DENND2B: variants seen among roughly 807,000 people sequenced by gnomAD.
DENND2B encodes the protein DENN domain containing 2B, also known as DENN domain-containing protein 2B.
Under a neutral mutation model 116.0 loss-of-function variants are expected in DENND2B, and 32 were observed. The ratio of observed to expected loss-of-function variants is 0.28; its 90% CI spans 0.21 to 0.37. DENND2B has a LOEUF of 0.37. Among genes scored for constraint, DENND2B ranks in the 10% least tolerant of loss-of-function variants. DENND2B has a pLI of 1.00. For synonymous variants in DENND2B, 588 were observed against 583.9 expected (o/e 1.01, Z -0.10); for missense variants, 1,276 against 1,477.7 (o/e 0.86, Z 2.24).
Position 8,721,510 on chromosome 11 carries a change from CCG to C in DENND2B, c.1478-3620_1478-3619del, listed in dbSNP as rs546408652. On this transcript the variant is annotated intron_variant, in intron 4 of 19. Transcript: ENST00000313726. Reference sequence around the variant, plus strand: ...CTGCAGCTTCCCTCCCCAACAACCTCCGTCCGGTTCCAACCAGCTGTTTCTCC... The same window carrying C: ...CTGCAGCTTCCCTCCCCAACAACCTCTCCGGTTCCAACCAGCTGTTTCTCC... Among the ~76,000 whole-genome samples the C allele has an allele frequency of 0.013, 46 of 3,510 alleles. No individual in the cohort carries two copies. In the South Asian group the frequency reaches 0.5, roughly 38 times the overall value. 2.3% of individuals were successfully genotyped at this position (3,510 alleles called of 152,430 possible).
rs780120825 is a variant in DENND2B at position 8,730,961 on chromosome 11, T to C, written c.329A>G (p.Lys110Arg). 1 of 1,614,104 alleles carries C rather than the reference T, an allele frequency of 6.2e-7. No homozygotes were observed. Among genetic ancestry groups the C allele is most frequent in the Non-Finnish European group, 8.5e-7 (1 of 1,180,044 alleles). Reference sequence around the variant, plus strand: ...GACACTTTCCTTTTGGGCGTCTCTCTTGCACGCCGAAGGGCTTCTGTCCAA... The same window carrying C: ...GACACTTTCCTTTTGGGCGTCTCTCCTGCACGCCGAAGGGCTTCTGTCCAA... ...GYLDRSPSAC[K>R]RDAQKESVQG... is the part of the protein sequence containing the mutation. Residue 110 changes from lysine (K) to arginine (R), a missense_variant, in exon 3 of 20, where the codon AAG becomes AGG. Physicochemically the swap from Lys to Arg is conservative, Grantham distance 26 (BLOSUM62 2). Transcript: ENST00000313726. The surrounding 1 kb of genome is among the most constrained non-coding windows in gnomAD (Gnocchi z 4.1).
chr11:8,859,631 ATGGAT>A (rs2063328253), intron 2 of DENND2B, among the ~76,000 whole-genome samples: 1 of 152,150 alleles, frequency 6.6e-6, no homozygotes, highest in African/African-American at 2.4e-5. Flanking sequence ...ATACTCATTC[ATGGAT>A]TATATCATGT....
Position 8,833,263 on chromosome 11 carries a change from A to T in DENND2B, c.-115+6047T>A, listed in dbSNP as rs2062288535. ...TGACCCTGTAAGGCTCTGTTCTAGG[A>T]TAAGCACAGGAGAAGGAGCAGAACA... is the stretch of plus-strand genomic sequence containing the variant. On this transcript the variant is annotated intron_variant, in intron 4 of 6. Coordinates refer to the DENND2B transcript ENST00000524757. Among the ~76,000 whole-genome samples the T allele has an allele frequency of 2.0e-5, 3 of 152,360 alleles. No homozygotes were observed. The South Asian group carries it at 6.2e-4, about 32-fold the overall frequency.
chr11:8,884,719 T>C (rs1234671947), intron 1 of DENND2B, among the ~76,000 whole-genome samples: 1 of 152,168 alleles, frequency 6.6e-6, no homozygotes, highest in African/African-American at 2.4e-5. Flanking sequence ...GTACCAATGA[T>C]GACCCTTGGT....
chr11:8,845,191 A>T (rs1168254202), intron 3 of DENND2B: 1 of 152,238 alleles, frequency 6.6e-6, no homozygotes, highest in Admixed American at 6.5e-5. Flanking sequence ...TTCAAAATGC[A>T]TTAATTTTTC....
chr11:8,840,254 C>T (rs1052034692), intron 3 of DENND2B, among the ~76,000 whole-genome samples: 1 of 152,108 alleles, frequency 6.6e-6, no homozygotes, highest in Non-Finnish European at 1.5e-5. Flanking sequence ...AGAGAGGGGA[C>T]TTGGGGAGTT....
chr11:8,832,385 G>A (rs1010720585), intron 4 of DENND2B, among the ~76,000 whole-genome samples: 2 of 151,440 alleles, frequency 1.3e-5, no homozygotes, highest in Non-Finnish European at 2.9e-5. Flanking sequence ...CGGGGAGGCG[G>A]AGGTTGCTGT....
chr11:8,717,697 G>A (rs1237590130), intron 5 of DENND2B, 44 bp downstream of exon 5: 6 of 1,487,738 alleles, frequency 4.0e-6, no homozygotes, highest in Admixed American at 2.3e-5. Context: ...CCCCCACTGT[G>A]GCCCTCACGC....
At chr11:8,794,064 G>A (rs1238336454) in intron 1 of DENND2B, among the ~76,000 whole-genome samples, 1 of 152,158 alleles carries the variant, frequency 6.6e-6, no homozygotes, top group Non-Finnish European at 1.5e-5. Flanking sequence ...GTTTATAGAA[G>A]ATGCTCATAT....
At position 8,776,151 on chromosome 11, in the gene DENND2B, C is replaced by CGT. The variant is rs1565923175; in HGVS notation, c.-25-25427_-25-25426insAC. 1.2e-4 allele frequency: 48 copies of CGT among 401,980 alleles called. 1 individual carries two copies. The highest frequency in any genetic ancestry group is 9.5e-4 in the African/African-American group (40 of 42,174). 24.9% of individuals were successfully genotyped at this position (401,980 alleles called of 1,614,324 possible). A position where few individuals can be genotyped will look rare whatever the true frequency, so the allele number is the denominator to read the frequency against. ...ACACAGACACGCACGTGCGCGCACG[C>CGT]GCGCGCGCGCACACACACACACACA... is the stretch of plus-strand genomic sequence containing the variant. On this transcript the variant is annotated intron_variant, in intron 1 of 19. Coordinates refer to ENST00000313726, the MANE Select transcript of DENND2B (RefSeq NM_213618.2).
intron 1 of DENND2B, among the ~76,000 whole-genome samples, chr11:8,773,663 A>G (rs892715276): frequency 2.6e-5 from 4 of 152,194 alleles, no homozygotes; most frequent in Non-Finnish European, 5.9e-5. Flanking sequence ...TGGGGAAGAA[A>G]TAATGTAGTC....
chr11:8,828,036 G>A (rs1470764915), intron 4 of DENND2B, among the ~76,000 whole-genome samples: 1 of 152,146 alleles, frequency 6.6e-6, no homozygotes, highest in Non-Finnish European at 1.5e-5. Context: ...GTGAGACATG[G>A]ACCCAACTGC....
chr11:8,740,912 G>C (rs770647611), intron 2 of DENND2B, among the ~76,000 whole-genome samples: 3 of 152,218 alleles, frequency 2.0e-5, no homozygotes, highest in Non-Finnish European at 4.4e-5. Flanking sequence ...AGGAGGAAGA[G>C]TGCCTCAGTC....
chr11:8,863,520 A>C (rs1348750971), intron 2 of DENND2B, among the ~76,000 whole-genome samples: 1 of 152,114 alleles, frequency 6.6e-6, no homozygotes, highest in East Asian at 1.9e-4. Flanking sequence ...GGCGTCAGCC[A>C]CTGCGCCCGG....
At chr11:8,905,337 T>G (rs1195707990) in intron 1 of DENND2B, among the ~76,000 whole-genome samples, 1 of 152,154 alleles carries the variant, frequency 6.6e-6, no homozygotes, top group African/African-American at 2.4e-5. Flanking sequence ...ATTGAACATC[T>G]GCATGAAAAG....
At chr11:8,731,665 C>T (rs2048148123) in intron 2 of DENND2B, among the ~76,000 whole-genome samples, 1 of 152,168 alleles carries the variant, frequency 6.6e-6, no homozygotes, top group Non-Finnish European at 1.5e-5. Context: ...GCCTGGGCAA[C>T]ATAGTGAGAC....
intron 1 of DENND2B, among the ~76,000 whole-genome samples, chr11:8,769,765 G>A (rs1178800527): frequency 6.6e-6 from 1 of 151,878 alleles, no homozygotes; most frequent in Admixed American, 6.6e-5. Context: ...CCCTGGCTGG[G>A]AAAGAAGGAC....
intron 1 of DENND2B, among the ~76,000 whole-genome samples, chr11:8,890,999 A>G (rs1179248071): frequency 6.6e-6 from 1 of 152,224 alleles, no homozygotes; most frequent in Non-Finnish European, 1.5e-5. Context: ...AAGAAAGGTC[A>G]GGTTACCCTC....
intron 2 of DENND2B, among the ~76,000 whole-genome samples, chr11:8,877,100 CT>C (rs71059191): frequency 3.1e-4 from 29 of 93,070 alleles, no homozygotes; most frequent in African/African-American, 6.2e-4. Flanking sequence ...CTTGAAGATA[CT>C]TTTTTTTTTT....
Sources: allele counts gnomAD v4.1 joint callset (sites outside exome capture counted in the v4.1 genomes callset), GRCh38; gene constraint gnomAD v4.1.1; non-coding constraint Gnocchi (gnomAD v3.1); transcripts MANE v1.5; gene names NCBI Gene and HGNC (gene_info 2026-07-23, HGNC 2026-07-21).